The following MDGA2 variants were observed in gnomAD, a reference collection of about 807,000 sequenced individuals.
MDGA2 encodes MAM domain-containing glycosylphosphatidylinositol anchor protein 2.
A neutral mutation model predicts 117.8 loss-of-function variants in MDGA2; 40 were observed. The observed-to-expected ratio is 0.34, with a 90% confidence interval of 0.26 to 0.44. MDGA2 has a LOEUF of 0.44. Among genes scored for constraint, MDGA2 ranks in the 20% least tolerant of loss-of-function variants. The pLI is 1.00. For missense variants in MDGA2, 1,123 were observed against 1,250.6 expected (o/e 0.90, Z 1.54); for synonymous variants, 452 against 439.0 (o/e 1.03, Z -0.37).
rs1395844499 is a variant in MDGA2, at chr14:46,882,240, T to C, written c.2239-19A>G. 9 of 1,597,120 alleles carry C rather than the reference T, an allele frequency of 5.6e-6. 1 individual carries two copies. The South Asian group carries it at 6.8e-5, about 12-fold the overall frequency. On this transcript the variant is annotated intron_variant, in intron 10 of 16. Coordinates refer to ENST00000399232, the MANE Select transcript of MDGA2 (RefSeq NM_001113498.3). ...GTCCAGCCTGAAATCAAAACAATAA[T>C]AGAATAATGTTCCCAGTATGTTCTT... is the stretch of plus-strand genomic sequence containing the variant.
chr14:47,079,148 A>T (rs981975359), intron 6 of MDGA2, among the ~76,000 whole-genome samples: 3 of 152,190 alleles, frequency 2.0e-5, no homozygotes, highest in African/African-American at 7.2e-5. Flanking sequence ...AAATTCCTTA[A>T]TAAAATACCC....
intron 5 of MDGA2, among the ~76,000 whole-genome samples, chr14:47,108,545 C>A (rs1489419121): frequency 1.3e-5 from 2 of 152,130 alleles, no homozygotes; most frequent in Admixed American, 6.6e-5. Flanking sequence ...AAAAAGCACC[C>A]CCACTGAGCA....
intron 10 of MDGA2, among the ~76,000 whole-genome samples, chr14:46,894,383 T>G (rs1225951836): frequency 6.6e-6 from 1 of 152,130 alleles, no homozygotes; most frequent in African/African-American, 2.4e-5. Context: ...CTGACAAATG[T>G]GTGCTTTATT....
intron 1 of MDGA2, among the ~76,000 whole-genome samples, chr14:47,616,091 G>C (rs1272203684): frequency 6.6e-6 from 1 of 152,184 alleles, no homozygotes; most frequent in Admixed American, 6.5e-5. Flanking sequence ...CTCAGCATAA[G>C]ACCAATAAGC....
At chr14:47,450,852 G>T (rs1893227604) in intron 1 of MDGA2, among the ~76,000 whole-genome samples, 1 of 152,156 alleles carries the variant, frequency 6.6e-6, no homozygotes, top group African/African-American at 2.4e-5. Flanking sequence ...GAGAACTGAA[G>T]GACTTGCTTT....
intron 1 of MDGA2, among the ~76,000 whole-genome samples, chr14:47,674,096 G>C (rs981855267): frequency 1.3e-5 from 2 of 151,848 alleles, no homozygotes; most frequent in Non-Finnish European, 2.9e-5. Flanking sequence ...AGGAGGAGGC[G>C]GCGGGGGCGG....
intron 3 of MDGA2, among the ~76,000 whole-genome samples, chr14:47,162,686 T>G (rs2139282854): frequency 6.6e-6 from 1 of 152,272 alleles, no homozygotes; most frequent in African/African-American, 2.4e-5. Flanking sequence ...TTCCGGTATT[T>G]GTATATTATT....
chr14:47,026,640 A>C (rs1888483483), intron 8 of MDGA2, among the ~76,000 whole-genome samples: 1 of 152,076 alleles, frequency 6.6e-6, no homozygotes, highest in African/African-American at 2.4e-5. Context: ...AGATGATCAT[A>C]GTATGTGTGA....
chr14:47,512,968 A>C (rs1955779), intron 1 of MDGA2, among the ~76,000 whole-genome samples: 118,416 of 150,854 alleles, frequency 0.78, 46,835 homozygotes, highest in East Asian at 1. Context: ...CCTTACATTC[A>C]CAAAGTTAGT....
intron 8 of MDGA2, among the ~76,000 whole-genome samples, chr14:46,990,903 C>T (rs979027688): frequency 6.1e-5 from 8 of 130,304 alleles, no homozygotes; most frequent in Admixed American, 5.4e-4. Flanking sequence ...CACACACACC[C>T]CGCGTAAGAC....
chr14:47,262,579 T>C (rs17123), intron 2 of MDGA2, among the ~76,000 whole-genome samples: 38,106 of 152,150 alleles, frequency 0.25, 4,919 homozygotes, highest in South Asian at 0.33. Flanking sequence ...CCTTACTCCA[T>C]GAATTTGCTT....
At chr14:47,388,166 T>C (rs992492075) in intron 1 of MDGA2, among the ~76,000 whole-genome samples, 7 of 152,188 alleles carry the variant, frequency 4.6e-5, no homozygotes, top group African/African-American at 1.7e-4. Flanking sequence ...TCCTTTCTTC[T>C]GTTAGGTATT....
At chr14:47,148,063 G>A (rs1269506747) in intron 3 of MDGA2, among the ~76,000 whole-genome samples, 1 of 152,016 alleles carries the variant, frequency 6.6e-6, no homozygotes, top group Non-Finnish European at 1.5e-5. Context: ...GCCTCACTAT[G>A]TAACAACAGT....
intron 1 of MDGA2, among the ~76,000 whole-genome samples, chr14:47,609,780 C>T (rs1896815261): frequency 6.6e-6 from 1 of 151,642 alleles, no homozygotes; most frequent in African/African-American, 2.4e-5. Flanking sequence ...CAGAATTCTA[C>T]CAGACATTCA....
At chr14:47,162,235 G>T (rs375752356) in intron 3 of MDGA2, among the ~76,000 whole-genome samples, 8 of 152,046 alleles carry the variant, frequency 5.3e-5, no homozygotes, top group African/African-American at 1.9e-4. Flanking sequence ...ATAAGCCACC[G>T]AGCCCGGCCA....
At chr14:47,175,343 C>A (rs1484809463) in intron 3 of MDGA2, among the ~76,000 whole-genome samples, 2 of 151,416 alleles carry the variant, frequency 1.3e-5, no homozygotes, top group Non-Finnish European at 2.9e-5. Flanking sequence ...AGAGACACAA[C>A]CAAAAAAGAG....
At chr14:46,959,950 G>A (rs1219664291) in intron 8 of MDGA2, among the ~76,000 whole-genome samples, 9 of 151,982 alleles carry the variant, frequency 5.9e-5, no homozygotes, top group African/African-American at 1.9e-4. Context: ...ATAGTTGGGC[G>A]TGGTGGCTCA....
chr14:47,093,041 C>CT (rs1879758604), intron 6 of MDGA2, among the ~76,000 whole-genome samples: 1 of 151,998 alleles, frequency 6.6e-6, no homozygotes, highest in African/African-American at 2.4e-5. Flanking sequence ...ATAGCTCACT[C>CT]TGAGCTACGG....
rs998148163 is a variant in MDGA2, at chr14:47,201,050, G to A, written c.595+16971C>T. ...ACCTGTTTAGCCACAATGGCCGCCA[G>A]GCGGCCCAGGAGATGGCCTCGACCA... is the stretch of plus-strand genomic sequence containing the variant. On this transcript the variant is annotated intron_variant, in intron 3 of 16. Coordinates refer to ENST00000399232, the MANE Select transcript of MDGA2 (RefSeq NM_001113498.3). The A allele has an allele frequency of 2.1e-5, 24 of 1,137,614 alleles. No individual in the cohort carries two copies. The African/African-American group carries it at 2.7e-4, about 13-fold the overall frequency. 70.5% of individuals were successfully genotyped at this position (1,137,614 alleles called of 1,614,324 possible).
Sources: gnomAD v4.1 joint callset for allele counts (sites outside exome capture counted in the v4.1 genomes callset) on GRCh38, gnomAD v4.1.1 for gene constraint, MANE v1.5 for transcripts, NCBI Gene and HGNC (gene_info 2026-07-23, HGNC 2026-07-21) for gene names.